CIDEC: variants seen among roughly 807,000 people sequenced by gnomAD.
CIDEC encodes the protein cell death inducing DFFA like effector c.
A neutral mutation model predicts 21.9 loss-of-function variants in CIDEC; 11 were observed. The ratio of observed to expected loss-of-function variants is 0.50; its 90% CI spans 0.32 to 0.83. CIDEC has a LOEUF of 0.83. CIDEC is among the 40% of genes least tolerant of loss of function. The probability of loss-of-function intolerance (pLI) is 0.04; values close to 1 mark genes in which losing one functional copy is unlikely to be tolerated. For missense variants in CIDEC, 302 were observed against 302.3 expected, an observed-to-expected ratio of 1.00 and a Z score of 0.01; for synonymous variants, 127 against 124.9, an observed-to-expected ratio of 1.02 and a Z score of -0.11.
In CIDEC at chr3:9,870,065, G is replaced by T; in HGVS notation, c.371C>A (p.Thr124Lys). The change falls in exon 6 of 7, where the codon ACA (threonine) becomes AAA (lysine). Residue 124 changes from threonine (T) to lysine (K), a missense_variant. Thr to Lys is a moderately conservative substitution (Grantham distance 78). Coordinates refer to ENST00000336832, the MANE Select transcript of CIDEC (RefSeq NM_001321142.2). ...QKWQPPSEQG[T>K]RHPLSLSHKP... ...ATGGGAGAGGGACAGTGGGTGCCTT[G>T]TCCCCTGCATTGAGACAAGCAAATG... 3.1e-6 allele frequency: 5 copies of T among 1,614,158 alleles called. No homozygotes were observed. Among genetic ancestry groups the T allele is most frequent in the Non-Finnish European group, 4.2e-6 (5 of 1,180,022 alleles).
intron 6 of CIDEC, among the ~76,000 whole-genome samples, chr3:9,869,530 A>G (rs1029256965): frequency 2.6e-5 from 4 of 152,208 alleles, no homozygotes; most frequent in African/African-American, 7.2e-5. Context: ...GATTACAGGC[A>G]TGAGCCACCG....
chr3:9,875,219 C>CA (rs1403797550), intron 4 of CIDEC, among the ~76,000 whole-genome samples: 3 of 151,264 alleles, frequency 2.0e-5, no homozygotes, highest in African/African-American at 7.3e-5. Flanking sequence ...ACCAAAAATA[C>CA]AAAAAAAATT....
chr3:9,879,645 A>G (rs1329355522), intron 1 of CIDEC, among the ~76,000 whole-genome samples: 1 of 152,082 alleles, frequency 6.6e-6, no homozygotes, highest in Non-Finnish European at 1.5e-5. Flanking sequence ...GAAGGGCCCA[A>G]CCCTTTGCAC....
At chr3:9,874,927 C>A (rs1372222913) in intron 4 of CIDEC, among the ~76,000 whole-genome samples, 1 of 152,018 alleles carries the variant, frequency 6.6e-6, no homozygotes, top group Non-Finnish European at 1.5e-5. Flanking sequence ...TAGACGGGGT[C>A]TCACCATGTT....
At chr3:9,874,327 G>T (rs549632369) in intron 4 of CIDEC, among the ~76,000 whole-genome samples, 122 of 151,854 alleles carry the variant, frequency 8.0e-4, no homozygotes, top group African/African-American at 2.8e-3. Context: ...ACCAGGCTAG[G>T]AAACATAGCT....
chr3:9,868,308 C>T (rs55728043), intron 6 of CIDEC, among the ~76,000 whole-genome samples: 1 of 152,234 alleles, frequency 6.6e-6, no homozygotes, highest in Non-Finnish European at 1.5e-5. Flanking sequence ...ACACTCTGTT[C>T]TAGACTCTGA....
rs757670421 is a variant in CIDEC, at chr3:9,877,119, G to T, written c.154C>A (p.Arg52=). ...GCCATGATGCCCTTCCTCACGCTTC[G>T]ATCCGCCGTGCTTACGCGGCAGGGC... ...ARPCRVSTAD[R]SVRKGIMAYS... Residue 52 remains arginine (R), a synonymous_variant, in exon 4 of 7, where the codon CGA becomes AGA. Coordinates refer to ENST00000336832, the MANE Select transcript of CIDEC (RefSeq NM_001321142.2). The T allele has an allele frequency of 1.3e-6, 2 of 1,552,808 alleles. No individual in the cohort carries two copies. The highest frequency in any genetic ancestry group is 3.9e-5 in the Admixed American group (2 of 51,058).
intron 4 of CIDEC, among the ~76,000 whole-genome samples, chr3:9,875,075 G>A (rs1267094171): frequency 6.6e-6 from 1 of 152,002 alleles, no homozygotes. Context: ...ATATAAACCT[G>A]AATTAAAGAA....
intron 4 of CIDEC, among the ~76,000 whole-genome samples, chr3:9,875,100 G>A (rs2082402719): frequency 6.6e-6 from 1 of 152,184 alleles, no homozygotes. Context: ...ATAGGGCCAG[G>A]TGTGGTGGCT....
Position 9,867,639 on chromosome 3 carries a change from A to T in CIDEC, c.555-343T>A, listed in dbSNP as rs1332988425. Among the ~76,000 whole-genome samples, 22 of 151,472 alleles carry T rather than the reference A, an allele frequency of 1.5e-4. No homozygotes were observed. In the South Asian group the frequency reaches 4.6e-3, roughly 32 times the overall value. ...AGTCTCAAAAAACAATCAAACAAAA[A>T]ACACAAGGCTGGGCTTGGTGGCTCA... On this transcript the variant is annotated intron_variant, in intron 6 of 6. Transcript: ENST00000336832.
intron 4 of CIDEC, among the ~76,000 whole-genome samples, chr3:9,875,648 T>C (rs1205442032): frequency 2.6e-5 from 4 of 152,256 alleles, no homozygotes; most frequent in Non-Finnish European, 5.9e-5. Flanking sequence ...TACTGTTTCC[T>C]GATTGTAATA....
At chr3:9,868,931 A>G (rs1483979676) in intron 6 of CIDEC, among the ~76,000 whole-genome samples, 1 of 150,914 alleles carries the variant, frequency 6.6e-6, no homozygotes, top group Non-Finnish European at 1.5e-5. Context: ...CAATCCTCCC[A>G]CCTAGCTGGG....
chr3:9,870,897 C>T (rs1003335074), intron 4 of CIDEC, among the ~76,000 whole-genome samples: 1 of 151,836 alleles, frequency 6.6e-6, no homozygotes, highest in Non-Finnish European at 1.5e-5. Context: ...ACCTTGGCCT[C>T]CCAAAGTGCT....
intron 1 of CIDEC, among the ~76,000 whole-genome samples, chr3:9,879,816 G>A (rs969074423): frequency 1.3e-5 from 2 of 152,160 alleles, no homozygotes; most frequent in East Asian, 1.9e-4. Flanking sequence ...AGCCAAGGGT[G>A]CCTCTGGGTC....
chr3:9,869,297 C>T (rs1413475896), intron 6 of CIDEC, among the ~76,000 whole-genome samples: 1 of 151,998 alleles, frequency 6.6e-6, no homozygotes, highest in Non-Finnish European at 1.5e-5. Flanking sequence ...TTTGCCCAGG[C>T]TGGAGTGCAG....
rs1159064862 is a variant in CIDEC, at chr3:9,877,221, TG to T, written c.54-3del. On this transcript the variant is annotated splice_region_variant and splice_polypyrimidine_tract_variant and intron_variant, in intron 3 of 6. Transcript: ENST00000336832. The stretch of plus-strand genomic sequence containing the variant: ...ACAGAGGTACGCACTGACACATGCC[TG>T]GGGCAGTTGAAGCATCAGGGTGAGC... 5 of 1,549,964 alleles carry T rather than the reference TG, an allele frequency of 3.2e-6. No homozygotes were observed. Among genetic ancestry groups the T allele is most frequent in the Non-Finnish European group, 4.4e-6 (5 of 1,146,976 alleles).
chr3:9,873,315 C>T (rs1196587657), intron 4 of CIDEC, among the ~76,000 whole-genome samples: 1 of 152,088 alleles, frequency 6.6e-6, no homozygotes, highest in African/African-American at 2.4e-5. Flanking sequence ...TGATTAAATG[C>T]AAAAATGTCA....
At chr3:9,875,863 A>G (rs1046595686) in intron 4 of CIDEC, among the ~76,000 whole-genome samples, 1 of 152,226 alleles carries the variant, frequency 6.6e-6, no homozygotes, top group African/African-American at 2.4e-5. Flanking sequence ...TAACAAGGAC[A>G]CTTTGATGCA....
chr3:9,867,343 G>T, intron 6 of CIDEC, 47 bp from the exon 7 acceptor site: 1 of 1,604,268 alleles, frequency 6.2e-7, no homozygotes, highest in Middle Eastern at 1.7e-4. Flanking sequence ...GAAGTAGGTC[G>T]GGCATGGCGT....
Sources: allele counts gnomAD v4.1 joint callset (sites outside exome capture counted in the v4.1 genomes callset), GRCh38; gene constraint gnomAD v4.1.1; transcripts MANE v1.5; gene names NCBI Gene and HGNC (gene_info 2026-07-23, HGNC 2026-07-21).